The following TBX15 variants were observed in gnomAD, a reference collection of about 807,000 sequenced individuals.
TBX15 encodes T-box transcription factor TBX15.
In TBX15, 18 loss-of-function variants were observed where a neutral mutation model predicts 53.9. The ratio of observed to expected loss-of-function variants is 0.33; its 90% CI spans 0.23 to 0.49. The LOEUF (loss-of-function observed/expected upper bound fraction) is 0.49. Ranked by LOEUF, TBX15 falls within the 20% of genes least tolerant of loss-of-function variation. The pLI, the probability that TBX15 is intolerant of heterozygous loss-of-function variation, is 0.98. For missense variants in TBX15, 692 were observed against 749.5 expected (o/e 0.92, Z 0.90); for synonymous variants, 295 against 278.0 (o/e 1.06, Z -0.61).
chr1:118,962,292 A>C (rs1656903567), intron 1 of TBX15, among the ~76,000 whole-genome samples: 1 of 152,216 alleles, frequency 6.6e-6, no homozygotes, highest in Non-Finnish European at 1.5e-5. Context: ...TTTTTAGGTA[A>C]ACCCTAAAGA....
chr1:118,885,365 A>C lies in TBX15; in HGVS notation c.1176T>G (p.Cys392Trp). Residue 392 changes from cysteine (C) to tryptophan (W), a missense_variant, in exon 8 of 8, where the codon TGT (cysteine) becomes TGG (tryptophan). Coordinates refer to ENST00000369429, the MANE Select transcript of TBX15 (RefSeq NM_001330677.2). The part of the protein sequence containing the change: ...FNVGCRESQL[C>W]NLNLSDYPPC... ...GTGGATAATCAGAGAGGTTTAGATT[A>C]CACAGCTGGCTTTCTCGGCAGCCCA... The C allele has an allele frequency of 2.5e-6, 4 of 1,613,990 alleles. No individual in the cohort carries two copies. Among genetic ancestry groups the C allele is most frequent in the Non-Finnish European group, 3.4e-6 (4 of 1,180,022 alleles).
rs566594880 is a variant in TBX15 at position 118,921,037 on chromosome 1, C to T, written c.861+2399G>A. ...AAAAAAATCAAAACAATTAGGTGGG[C>T]ATGGTGATACCCGCCTGTGGTCCCA... On this transcript the variant is annotated intron_variant, in intron 5 of 7. Coordinates refer to ENST00000369429, the MANE Select transcript of TBX15 (RefSeq NM_001330677.2). Among the ~76,000 whole-genome samples, 479 of 143,120 alleles carry T rather than the reference C, an allele frequency of 3.3e-3. 3 individuals are homozygous for T. Among genetic ancestry groups the T allele is most frequent in the African/African-American group, 0.012 (460 of 39,138 alleles). The allele number at this position is 143,120 out of a possible 152,430, so 93.9% of individuals were successfully genotyped here.
chr1:118,895,667 G>A (rs960110606), intron 7 of TBX15, among the ~76,000 whole-genome samples: 1 of 152,042 alleles, frequency 6.6e-6, no homozygotes, highest in Non-Finnish European at 1.5e-5. Context: ...TTCATCTCCA[G>A]AACCTCCAGC....
intron 6 of TBX15, among the ~76,000 whole-genome samples, chr1:118,908,225 T>G (rs1190818373): frequency 2.6e-5 from 4 of 152,160 alleles, no homozygotes; most frequent in Non-Finnish European, 5.9e-5. Flanking sequence ...TTTACTGTTT[T>G]GTAGCTAAAT....
At chr1:118,983,459 T>C (rs954976227) in intron 1 of TBX15, among the ~76,000 whole-genome samples, 1 of 151,768 alleles carries the variant, frequency 6.6e-6, no homozygotes, top group Non-Finnish European at 1.5e-5. Flanking sequence ...GCGTCTAATT[T>C]AGTAAGATCC....
At chr1:118,956,029 C>A (rs1462973147) in intron 1 of TBX15, among the ~76,000 whole-genome samples, 2 of 151,974 alleles carry the variant, frequency 1.3e-5, no homozygotes, top group Non-Finnish European at 2.9e-5. Flanking sequence ...TAAAAGAGGC[C>A]CCAGAAAGTG....
At chr1:118,951,068 C>T (rs766694034) in intron 1 of TBX15, among the ~76,000 whole-genome samples, 12 of 152,162 alleles carry the variant, frequency 7.9e-5, no homozygotes, top group East Asian at 1.9e-4. Context: ...AATTCAGATG[C>T]CATGTAGCTA....
chr1:118,964,861 C>G (rs1656991085), intron 1 of TBX15, among the ~76,000 whole-genome samples: 1 of 152,178 alleles, frequency 6.6e-6, no homozygotes, highest in Non-Finnish European at 1.5e-5. Context: ...CCAATTCTTT[C>G]CTACTACAGG....
chr1:118,908,090 C>A (rs1034363911), intron 6 of TBX15, among the ~76,000 whole-genome samples: 4 of 152,130 alleles, frequency 2.6e-5, no homozygotes, highest in Non-Finnish European at 1.5e-5. Context: ...TCCTTCTTCC[C>A]TCCTTATGTG....
chr1:118,924,923 T>A (rs1655545032), intron 3 of TBX15, 106 bp from the exon 4 acceptor site: 1 of 1,212,402 alleles, frequency 8.2e-7, no homozygotes, highest in Non-Finnish European at 1.2e-6. Flanking sequence ...ACAAAGAGAT[T>A]ACATGAATGG....
At chr1:118,892,146 T>C (rs1193787634) in intron 7 of TBX15, among the ~76,000 whole-genome samples, 1 of 96,366 alleles carries the variant, frequency 1.0e-5, no homozygotes, top group Non-Finnish European at 1.8e-5. Flanking sequence ...AATAGACATC[T>C]AGCTCTGTAA....
intron 7 of TBX15, among the ~76,000 whole-genome samples, chr1:118,889,916 G>A (rs1307425338): frequency 1.3e-5 from 2 of 152,084 alleles, no homozygotes; most frequent in African/African-American, 2.4e-5. Flanking sequence ...GATTACAGGC[G>A]TGAGCCACTG....
At chr1:118,887,650 G>A (rs981395997) in intron 7 of TBX15, among the ~76,000 whole-genome samples, 3 of 150,714 alleles carry the variant, frequency 2.0e-5, no homozygotes, top group African/African-American at 7.4e-5. Context: ...ACGCTGGCCT[G>A]GGCAACAAGA....
At chr1:118,942,461 A>G (rs927655225) in intron 1 of TBX15, among the ~76,000 whole-genome samples, 15 of 152,232 alleles carry the variant, frequency 9.9e-5, no homozygotes, top group Non-Finnish European at 2.2e-4. Context: ...CCAGATGAAG[A>G]ATCTTGAATG....
At chr1:118,961,799 A>G (rs1656885449) in intron 1 of TBX15, among the ~76,000 whole-genome samples, 1 of 152,126 alleles carries the variant, frequency 6.6e-6, no homozygotes, top group South Asian at 2.1e-4. Flanking sequence ...GTGAGCTCTG[A>G]GGGGAATGCA....
intron 1 of TBX15, among the ~76,000 whole-genome samples, chr1:118,973,395 C>G (rs2101705482): frequency 6.6e-6 from 1 of 151,970 alleles, no homozygotes; most frequent in South Asian, 2.1e-4. Flanking sequence ...CATCTCCCAA[C>G]AGAGGCCATC....
intron 1 of TBX15, among the ~76,000 whole-genome samples, chr1:118,938,427 CAA>C (rs1383638972): frequency 6.6e-6 from 1 of 152,180 alleles, no homozygotes; most frequent in African/African-American, 2.4e-5. Context: ...AGCAAGGACC[CAA>C]AGTCATCCTG....
rs747707780 is a variant in TBX15 at position 118,931,807 on chromosome 1, A to C, written c.231T>G (p.Asp77Glu). The change falls in exon 2 of 8, where the codon GAT becomes GAG. Residue 77 changes from aspartate to glutamate, a missense_variant. By Grantham distance (45) the Asp-to-Glu change is conservative. This residue lies in a region of TBX15 where 307 missense variants were observed against 347.5 expected (regional missense o/e 0.88). Transcript: ENST00000369429. ...AAGTCCGCTCAGTGAGGACCTCAGA[A>C]TCTGAACCAGTGCTCTGCTCAGAAT... Reference protein sequence around the residue: ...HPDSEQSTGSDSEVLTERTSC... With the variant: ...HPDSEQSTGSESEVLTERTSC... 10 of 1,590,378 alleles carry C rather than the reference A, an allele frequency of 6.3e-6. No individual in the cohort carries two copies. The highest frequency in any genetic ancestry group is 7.7e-6 in the Non-Finnish European group (9 of 1,166,180).
At chr1:118,944,822 G>T (rs1004748804) in intron 1 of TBX15, among the ~76,000 whole-genome samples, 5 of 152,202 alleles carry the variant, frequency 3.3e-5, no homozygotes, top group African/African-American at 1.2e-4. Context: ...TTAGAAGCTT[G>T]GACATGGCAC....
Sources: gnomAD v4.1 joint callset for allele counts (sites outside exome capture counted in the v4.1 genomes callset) on GRCh38, gnomAD v4.1.1 for gene constraint, gnomAD v4.1.1 regional missense constraint, MANE v1.5 for transcripts, NCBI Gene and HGNC (gene_info 2026-07-23, HGNC 2026-07-21) for gene names.